The following CEP72 variants were observed in gnomAD, a reference collection of about 807,000 sequenced individuals.
CEP72 encodes centrosomal protein 72.
A neutral mutation model predicts 65.7 loss-of-function variants in CEP72; 78 were observed. The observed-to-expected ratio is 1.19, with a 90% confidence interval of 0.99 to 1.43. The LOEUF (loss-of-function observed/expected upper bound fraction) is 1.43, where lower values mean the gene tolerates loss of function less well. Among genes scored for constraint, CEP72 ranks in the 40% most tolerant of loss-of-function variants. CEP72 has a pLI of 0.00. For synonymous variants in CEP72, 358 were observed against 351.7 expected (o/e 1.02, Z -0.20); for missense variants, 914 against 832.9 (o/e 1.10, Z -1.20).
intron 11 of CEP72, among the ~76,000 whole-genome samples, chr5:648,735 C>T (rs56651534): frequency 1.4e-4 from 5 of 34,650 alleles, no homozygotes; most frequent in South Asian, 8.4e-4. Flanking sequence ...GACTGTGAGG[C>T]ATGACTGTGA....
rs1219137433 is a variant in CEP72, at chr5:629,004, TTCTGGAGAACTCAGATCGCAGG to T, written c.512+4426_512+4447del. ...ACCCAGCCCCCTTCTTTGTGCAGCGTTCTGGAGAACTCAGATCGCAGGCCCCGGGGAGTGGGACTGTCCTCGG... is the reference window on the plus strand; with the variant it reads ...ACCCAGCCCCCTTCTTTGTGCAGCGTCCCCGGGGAGTGGGACTGTCCTCGG... On this transcript the variant is annotated intron_variant, in intron 4 of 11. Coordinates refer to ENST00000264935, the MANE Select transcript of CEP72 (RefSeq NM_018140.4). Among the ~76,000 whole-genome samples the T allele has an allele frequency of 3.8e-4, 56 of 146,694 alleles. 3 individuals are homozygous for T. Among genetic ancestry groups the T allele is most frequent in the African/African-American group, 1.3e-3 (52 of 38,970 alleles).
chr5:675,354 G>A, the CEP72 span, among the ~76,000 whole-genome samples: 4 of 97,080 alleles, frequency 4.1e-5, no homozygotes, highest in African/African-American at 1.2e-4. Context: ...GGTGCAGTGT[G>A]GGGGTGTGCA....
rs774176103 is a variant in CEP72, at chr5:623,389, C to T, written c.404-1082C>T. Among the ~76,000 whole-genome samples, 1 of 152,146 alleles carries T rather than the reference C, an allele frequency of 6.6e-6. No individual in the cohort carries two copies. Among genetic ancestry groups the T allele is most frequent in the African/African-American group, 2.4e-5 (1 of 41,448 alleles). ...CTCCGCGTGGGTCATGGAAAGGCCC[C>T]GGTGGTGGAGGAGGCAGATAGCAAG... is the stretch of plus-strand genomic sequence containing the variant. On this transcript the variant is annotated intron_variant, in intron 3 of 11. Coordinates refer to ENST00000264935, the MANE Select transcript of CEP72 (RefSeq NM_018140.4). The surrounding 1 kb of genome is among the most constrained non-coding windows in gnomAD (Gnocchi z 5.3).
chr5:641,507 C>T (rs755686107), intron 9 of CEP72: 34 of 984,722 alleles, frequency 3.5e-5, no homozygotes, highest in East Asian at 1.1e-4. Context: ...TCCCACACAA[C>T]GCTTCCTCTT....
Position 637,514 on chromosome 5 carries a change from C to T in CEP72, c.905-3C>T. ...CGTGCGCCCCATCCTCTCTATATCTCAGACTCCATGGATACCGAGGACTCG... is the reference window on the plus strand; with the variant it reads ...CGTGCGCCCCATCCTCTCTATATCTTAGACTCCATGGATACCGAGGACTCG... On this transcript the variant is annotated splice_polypyrimidine_tract_variant and splice_region_variant and intron_variant, in intron 6 of 11. Transcript: ENST00000264935. 6.2e-7 allele frequency: 1 copy of T among 1,610,810 alleles called. No individual in the cohort carries two copies. The highest frequency in any genetic ancestry group is 8.5e-7 in the Non-Finnish European group (1 of 1,177,974).
At chr5:670,673 G>C (rs1383307084), downstream of CEP72, among the ~76,000 whole-genome samples, 1 of 152,126 alleles carries the variant, frequency 6.6e-6, no homozygotes, top group African/African-American at 2.4e-5. Context: ...TGCTCCAGGA[G>C]GGTCCAGTGG....
At chr5:640,935 G>A (rs1316218501) in intron 9 of CEP72, 3 of 985,344 alleles carry the variant, frequency 3.0e-6, no homozygotes, top group African/African-American at 1.7e-5. Flanking sequence ...TCAGGGCCTC[G>A]AACTGGGGAA....
At chr5:665,919 G>GGCCCCCCCCCC in intron 3 of CEP72, 2 of 344,042 alleles carry the variant, frequency 5.8e-6, no homozygotes, top group Non-Finnish European at 7.9e-6. Flanking sequence ...CACCTTCCAG[G>GGCCCCCCCCCC]CCCCGCCCCC....
At chr5:667,056 AGG>A (rs906932748) in exon 5 of CEP72, 8 of 148,506 alleles carry the variant, frequency 5.4e-5, no homozygotes, top group African/African-American at 2.1e-4. Flanking sequence ...ACCAAGAGTC[AGG>A]GGACAAATGA....
chr5:671,418 G>C (rs1580082130), downstream of CEP72, among the ~76,000 whole-genome samples: 1 of 152,190 alleles, frequency 6.6e-6, no homozygotes, highest in South Asian at 2.1e-4. Flanking sequence ...CCCCAGTCTC[G>C]GCCTGGGCAG....
intron 9 of CEP72, 38 bp downstream of exon 9, chr5:640,642 C>T (rs915479224): frequency 2.5e-6 from 4 of 1,569,980 alleles, no homozygotes; most frequent in African/African-American, 2.7e-5. Context: ...GTCCATGTGA[C>T]TGGGGGAAAC....
chr5:617,335 A>G (rs188905826), intron 1 of CEP72, among the ~76,000 whole-genome samples: 5 of 152,138 alleles, frequency 3.3e-5, no homozygotes, highest in Non-Finnish European at 7.4e-5. Flanking sequence ...TGTCCTCTCC[A>G]TGTTGCCTGG....
rs1304824155 is a variant in CEP72, at chr5:645,711, T to TCTGC, written c.1666+1288_1666+1291dup. On this transcript the variant is annotated intron_variant, in intron 10 of 11. Coordinates refer to ENST00000264935, the MANE Select transcript of CEP72 (RefSeq NM_018140.4). This position sits in a 1 kb window ranked among gnomAD's most constrained non-coding sequence, Gnocchi z 4.0. ...GCTGCTGGGATAGGCTGCAGCCACC[T>TCTGC]CTGCCCCTGAACTGGAACAACAGAG... Among the ~76,000 whole-genome samples the TCTGC allele has an allele frequency of 6.6e-6, 1 of 152,258 alleles. No homozygotes were observed. Among genetic ancestry groups the TCTGC allele is most frequent in the Non-Finnish European group, 1.5e-5 (1 of 68,046 alleles).
At chr5:615,133 TC>T (rs1735910053) in intron 1 of CEP72, among the ~76,000 whole-genome samples, 1 of 116,932 alleles carries the variant, frequency 8.6e-6, no homozygotes, top group Non-Finnish European at 1.8e-5. Flanking sequence ...GTAGTCTTCC[TC>T]TTTTTTTTTT....
chr5:627,626 A>G (rs1279246078), intron 4 of CEP72, among the ~76,000 whole-genome samples: 1 of 152,204 alleles, frequency 6.6e-6, no homozygotes, highest in African/African-American at 2.4e-5. Flanking sequence ...ACGGAGGGCT[A>G]GAATTTGGAG....
chr5:654,354 C>T (rs953849979), downstream of CEP72, among the ~76,000 whole-genome samples: 1 of 144,700 alleles, frequency 6.9e-6, no homozygotes, highest in Non-Finnish European at 1.5e-5. Flanking sequence ...CGCACGCACC[C>T]TGTGTGTGTG....
intron 6 of CEP72, among the ~76,000 whole-genome samples, chr5:636,241 C>G (rs1229459557): frequency 6.6e-6 from 1 of 152,226 alleles, no homozygotes. Context: ...GTTTGTGGAA[C>G]TCTCCAAAAT....
chr5:616,816 A>ATGTGTG (rs978090349), intron 1 of CEP72, among the ~76,000 whole-genome samples: 1 of 105,212 alleles, frequency 9.5e-6, no homozygotes, highest in African/African-American at 4.4e-5. Context: ...GTGTGTGTGT[A>ATGTGTG]TGTGTGTGTG....
chr5:635,563 A>G lies in CEP72; in HGVS notation c.883A>G (p.Thr295Ala), dbSNP rs143781475. 3.7e-6 allele frequency: 6 copies of G among 1,613,262 alleles called. No homozygotes were observed. The African/African-American group carries it at 8.0e-5, about 22-fold the overall frequency. ...GGCCTCCCGTGCCCCCAGGCCACAC[A>G]CGTACTTCACCCCACACCCAGGTAC... ...PEASRAPRPH[T>A]YFTPHPDSMD... Residue 295 changes from threonine (T) to alanine (A), a missense_variant, in exon 6 of 12, where the codon ACG (threonine) becomes GCG (alanine). By Grantham distance (58) the Thr-to-Ala change is moderately conservative. Coordinates refer to ENST00000264935, the MANE Select transcript of CEP72 (RefSeq NM_018140.4).
Sources: gnomAD v4.1 joint callset for allele counts (sites outside exome capture counted in the v4.1 genomes callset) on GRCh38, gnomAD v4.1.1 for gene constraint, Gnocchi (gnomAD v3.1) non-coding constraint, MANE v1.5 for transcripts, NCBI Gene and HGNC (gene_info 2026-07-23, HGNC 2026-07-21) for gene names.